Variants in FAF1 observed in about 807,000 individuals in gnomAD.
FAF1 encodes FAS-associated factor 1.
FAF1 carries 25 observed loss-of-function variants against 92.5 expected under a neutral mutation model. That is an observed-to-expected ratio of 0.27 (90% CI 0.20 to 0.38). The LOEUF is 0.38. Among genes scored for constraint, FAF1 ranks in the 10% least tolerant of loss-of-function variants. FAF1 has a pLI of 1.00. For missense variants in FAF1, 636 were observed against 793.3 expected (o/e 0.80, Z 2.38); for synonymous variants, 234 against 273.2 (o/e 0.86, Z 1.42).
At chr1:50,813,431 T>C (rs1643935635) in intron 2 of FAF1, among the ~76,000 whole-genome samples, 1 of 152,152 alleles carries the variant, frequency 6.6e-6, no homozygotes, top group Middle Eastern at 3.2e-3. Flanking sequence ...AAATGAGATC[T>C]TACTATATGT....
chr1:50,664,442 T>C (rs1655530944), intron 7 of FAF1, among the ~76,000 whole-genome samples: 1 of 151,696 alleles, frequency 6.6e-6, no homozygotes, highest in East Asian at 1.9e-4. Flanking sequence ...ATATGTCAGA[T>C]AAACTGAAGA....
chr1:50,760,948 A>G (rs1251958181), intron 4 of FAF1, among the ~76,000 whole-genome samples: 4 of 152,200 alleles, frequency 2.6e-5, no homozygotes, highest in Admixed American at 2.0e-4. Context: ...TAGCAAGACT[A>G]ATAAAGAAGA....
intron 6 of FAF1, among the ~76,000 whole-genome samples, chr1:50,734,948 A>G (rs1267387690): frequency 1.3e-5 from 2 of 152,158 alleles, no homozygotes; most frequent in African/African-American, 4.8e-5. Context: ...GACTGCTGAG[A>G]AGAGAACTCT....
intron 7 of FAF1, among the ~76,000 whole-genome samples, chr1:50,673,609 C>T (rs1444730574): frequency 6.6e-6 from 1 of 152,048 alleles, no homozygotes; most frequent in Non-Finnish European, 1.5e-5. Context: ...GAGTTAGATA[C>T]GTGCTGTGAT....
intron 15 of FAF1, among the ~76,000 whole-genome samples, chr1:50,509,549 C>T (rs1048904360): frequency 6.6e-6 from 1 of 152,092 alleles, no homozygotes; most frequent in Non-Finnish European, 1.5e-5. Flanking sequence ...GAAGTTGAGG[C>T]TGCAGTGAGC....
chr1:50,950,008 A>T (rs560205882), intron 1 of FAF1, among the ~76,000 whole-genome samples: 36 of 152,064 alleles, frequency 2.4e-4, no homozygotes, highest in African/African-American at 7.0e-4. Context: ...AAAAAAAAAA[A>T]TTTATTTTTT....
intron 6 of FAF1, 70 bp from the exon 7 acceptor site, chr1:50,705,961 C>G: frequency 4.6e-6 from 4 of 864,204 alleles, no homozygotes; most frequent in Non-Finnish European, 7.6e-6. Context: ...CAGCTAGCTG[C>G]AAAAACCCCA....
intron 2 of FAF1, among the ~76,000 whole-genome samples, chr1:50,842,240 T>A (rs556047453): frequency 6.6e-6 from 1 of 152,026 alleles, no homozygotes; most frequent in Non-Finnish European, 1.5e-5. Context: ...AAACTCTAGA[T>A]TTTGAGTTCC....
chr1:50,626,937 G>C (rs1653527313), intron 8 of FAF1, among the ~76,000 whole-genome samples: 1 of 152,266 alleles, frequency 6.6e-6, no homozygotes, highest in African/African-American at 2.4e-5. Context: ...GCAAGACAGA[G>C]AGAAATTAAG....
intron 1 of FAF1, among the ~76,000 whole-genome samples, chr1:50,954,293 G>A (rs993651971): frequency 2.0e-5 from 3 of 152,164 alleles, no homozygotes; most frequent in Non-Finnish European, 2.9e-5. Context: ...ATTACTACTA[G>A]TGAGAGTTGT....
At chr1:50,547,186 C>T (rs913892516) in intron 13 of FAF1, among the ~76,000 whole-genome samples, 1 of 152,072 alleles carries the variant, frequency 6.6e-6, no homozygotes, top group African/African-American at 2.4e-5. Context: ...AGCCACCACA[C>T]CCGGACCTCA....
intron 13 of FAF1, among the ~76,000 whole-genome samples, chr1:50,543,898 C>T (rs774183478): frequency 1.5e-4 from 23 of 152,282 alleles, no homozygotes; most frequent in Non-Finnish European, 2.4e-4. Flanking sequence ...TCACTATTTT[C>T]TTTTAAATAC....
chr1:50,730,555 T>C (rs1484321393), intron 6 of FAF1, among the ~76,000 whole-genome samples: 1 of 152,210 alleles, frequency 6.6e-6, no homozygotes, highest in Non-Finnish European at 1.5e-5. Context: ...ACAATTCAAT[T>C]ATTTTCTATC....
intron 12 of FAF1, among the ~76,000 whole-genome samples, chr1:50,582,223 C>T (rs369343137): frequency 2.6e-5 from 4 of 152,160 alleles, no homozygotes; most frequent in African/African-American, 7.2e-5. Flanking sequence ...TAAGCACATC[C>T]ACCTTTTTTC....
At chr1:50,640,158 A>G (rs921547767) in intron 8 of FAF1, among the ~76,000 whole-genome samples, 1 of 152,116 alleles carries the variant, frequency 6.6e-6, no homozygotes. Context: ...TCTCGGACCA[A>G]TTTTGGTATA....
chr1:50,874,383 A>T (rs549209716), intron 1 of FAF1, among the ~76,000 whole-genome samples: 6 of 152,254 alleles, frequency 3.9e-5, no homozygotes, highest in African/African-American at 1.4e-4. Context: ...TTGTTTTGAG[A>T]CAGAGTCTCA....
In FAF1 at chr1:50,718,865, C is replaced by T. The variant is rs80337925; in HGVS notation, c.552-12974G>A. The stretch of plus-strand genomic sequence containing the variant: ...TACATCAAGATTTTAAATTAAAAAG[C>T]GTGACACATGGCAATTTAAATTTCC... On this transcript the variant is annotated intron_variant, in intron 6 of 18. Coordinates refer to ENST00000396153, the MANE Select transcript of FAF1 (RefSeq NM_007051.3). 2.5e-3 allele frequency among the ~76,000 whole-genome samples: 380 copies of T among 152,174 alleles called. 3 individuals are homozygous for T. Among genetic ancestry groups the T allele is most frequent in the African/African-American group, 8.6e-3 (359 of 41,544 alleles).
intron 8 of FAF1, among the ~76,000 whole-genome samples, chr1:50,621,391 CTTT>C (rs36053834): frequency 1.3e-4 from 12 of 89,206 alleles, no homozygotes; most frequent in Non-Finnish European, 2.0e-4. Flanking sequence ...TTCTTTTTTT[CTTT>C]TTTTTTTTTT....
Position 50,546,227 on chromosome 1 carries a change from T to C in FAF1, c.1269-6499A>G, listed in dbSNP as rs189064776. On this transcript the variant is annotated intron_variant, in intron 13 of 18. Coordinates refer to ENST00000396153, the MANE Select transcript of FAF1 (RefSeq NM_007051.3). ...TATTATGGAATTTAAAGAGATACTA[T>C]GTAGCCATTAAATAGATTTCTTTAT... Among the ~76,000 whole-genome samples the C allele has an allele frequency of 2.0e-3, 307 of 152,326 alleles. 6 individuals are homozygous for C. The highest frequency in any genetic ancestry group is 6.9e-3 in the African/African-American group (288 of 41,576).
Sources: allele counts gnomAD v4.1 joint callset (sites outside exome capture counted in the v4.1 genomes callset), GRCh38; gene constraint gnomAD v4.1.1; transcripts MANE v1.5; gene names NCBI Gene and HGNC (gene_info 2026-07-23, HGNC 2026-07-21).